Variants in TRIM5 observed in about 807,000 individuals in gnomAD.
TRIM5 encodes the protein tripartite motif containing 5.
A neutral mutation model predicts 35.6 loss-of-function variants in TRIM5; 31 were observed. That is an observed-to-expected ratio of 0.87 (90% CI 0.65 to 1.18). TRIM5 has a LOEUF of 1.18. Among genes scored for constraint, TRIM5 ranks in the 50% most tolerant of loss-of-function variants. The pLI, the probability that TRIM5 is intolerant of heterozygous loss-of-function variation, is 0.00. For synonymous variants in TRIM5, 243 were observed against 215.6 expected, an observed-to-expected ratio of 1.13 and a Z score of -1.11; for missense variants, 609 against 591.6, an observed-to-expected ratio of 1.03 and a Z score of -0.31.
At chr11:5,683,725 T>C (rs1037634380) in intron 1 of TRIM5, among the ~76,000 whole-genome samples, 1 of 152,006 alleles carries the variant, frequency 6.6e-6, no homozygotes, top group South Asian at 2.1e-4. Context: ...TGGAGAACTT[T>C]TGTGTCTAGC....
the TRIM5 span, among the ~76,000 whole-genome samples, chr11:5,592,949 A>C: frequency 2.1e-4 from 28 of 134,318 alleles, no homozygotes; most frequent in African/African-American, 6.8e-4. Flanking sequence ...AAAAAGAAAA[A>C]AGAAGAAAAA....
At chr11:5,658,018 G>C in the TRIM5 span, among the ~76,000 whole-genome samples, 1 of 152,078 alleles carries the variant, frequency 6.6e-6, no homozygotes, top group Non-Finnish European at 1.5e-5. Context: ...AGAAAGGCAC[G>C]GTCCCTGACA....
chr11:5,603,277 A>G, the TRIM5 span: 2 of 1,613,938 alleles, frequency 1.2e-6, no homozygotes, highest in Non-Finnish European at 1.7e-6. Flanking sequence ...CTTAGAAATC[A>G]GGGTTGGGCA....
chr11:5,643,122 T>TAG, the TRIM5 span: 1 of 1,150,420 alleles, frequency 8.7e-7, no homozygotes, highest in Non-Finnish European at 1.1e-6. Flanking sequence ...TACATATATA[T>TAG]ATATTTTTTT....
In TRIM5 at chr11:5,666,151, C is replaced by T. The variant is rs1300025661; in HGVS notation, c.768-70G>A. On this transcript the variant is annotated intron_variant, in intron 5 of 7. Coordinates refer to ENST00000380034, the MANE Select transcript of TRIM5 (RefSeq NM_033034.3). ...TGTGTCCGTGGAACACCCCTGACTT[C>T]CTATCATTTCAACCCATTGAGGCAC... 5 of 1,327,036 alleles carry T rather than the reference C, an allele frequency of 3.8e-6. No homozygotes were observed. The African/African-American group carries it at 7.5e-5, about 20-fold the overall frequency. The allele number at this position is 1,327,036 out of a possible 1,614,324, so 82.2% of individuals were successfully genotyped here. A position where few individuals can be genotyped will look rare whatever the true frequency, so the allele number is the denominator to read the frequency against.
In TRIM5 at chr11:5,679,778, C is replaced by G; in HGVS notation, c.400G>C (p.Val134Leu). ...TCTCTTACTTGGTACTCCCGGGCAA[C>G]CTCCTCTGTGAGGAACGTGTGGTGA... ...RGHHTFLTEE[V>L]AREYQVKLQA... Residue 134 changes from valine (V) to leucine (L), a missense_variant, in exon 2 of 8, where the codon GTT (valine) becomes CTT (leucine). Transcript: ENST00000380034. 1 of 1,596,478 alleles carries G rather than the reference C, an allele frequency of 6.3e-7. No homozygotes were observed. The highest frequency in any genetic ancestry group is 8.6e-7 in the Non-Finnish European group (1 of 1,168,866).
chr11:5,630,265 G>A, the TRIM5 span, among the ~76,000 whole-genome samples: 1 of 152,144 alleles, frequency 6.6e-6, no homozygotes, highest in Non-Finnish European at 1.5e-5. Flanking sequence ...TTTATAGGAA[G>A]AAAGGACTTA....
the TRIM5 span, chr11:5,608,505 A>C: frequency 6.7e-7 from 1 of 1,495,774 alleles, no homozygotes; most frequent in Non-Finnish European, 9.1e-7. Flanking sequence ...TCAAGAGAGT[A>C]GTCTTGAATC....
chr11:5,589,402 C>G, the TRIM5 span: 160 of 152,152 alleles, frequency 1.1e-3, no homozygotes, highest in African/African-American at 3.5e-3. Flanking sequence ...TTAATTGTCT[C>G]AAATAGACAT....
At chr11:5,669,128 G>T (rs1266485704) in intron 4 of TRIM5, among the ~76,000 whole-genome samples, 5 of 145,154 alleles carry the variant, frequency 3.4e-5, no homozygotes, top group Non-Finnish European at 7.4e-5. Flanking sequence ...TTCCCAGGCT[G>T]CAGTGCAACG....
chr11:5,666,168 T>C (rs564458773), intron 5 of TRIM5, 87 bp from the exon 6 acceptor site: 41 of 1,109,124 alleles, frequency 3.7e-5, no homozygotes, highest in South Asian at 2.4e-4. Context: ...TTTCAACCCA[T>C]TGAGGCACTT....
At chr11:5,660,838 C>A (rs1053181171), downstream of TRIM5, among the ~76,000 whole-genome samples, 2 of 151,566 alleles carry the variant, frequency 1.3e-5, no homozygotes, top group East Asian at 2.0e-4. Context: ...GTCAGGAGAT[C>A]GGGACCATCC....
the TRIM5 span, among the ~76,000 whole-genome samples, chr11:5,606,014 T>C: frequency 1.3e-5 from 2 of 152,162 alleles, no homozygotes; most frequent in Admixed American, 1.3e-4. Context: ...CTTCAGACAT[T>C]GCCACGATAG....
the TRIM5 span, among the ~76,000 whole-genome samples, chr11:5,649,447 G>T: frequency 6.6e-6 from 1 of 152,122 alleles, no homozygotes; most frequent in East Asian, 1.9e-4. Context: ...AATATTAAGA[G>T]ATACCCTAAG....
the TRIM5 span, among the ~76,000 whole-genome samples, chr11:5,616,197 C>T: frequency 2.8e-5 from 3 of 106,350 alleles, no homozygotes; most frequent in Non-Finnish European, 2.1e-5. Context: ...GTGATCCACC[C>T]GCCTCGGCCT....
chr11:5,611,109 T>C, the TRIM5 span: 1 of 1,614,206 alleles, frequency 6.2e-7, no homozygotes, highest in Non-Finnish European at 8.5e-7. Flanking sequence ...TAACCATGAA[T>C]ATAGGGCCTA....
chr11:5,648,322 C>T, the TRIM5 span, among the ~76,000 whole-genome samples: 6 of 151,822 alleles, frequency 4.0e-5, no homozygotes, highest in East Asian at 3.9e-4. Context: ...CTGGCTAACA[C>T]GGAGAAACCC....
chr11:5,656,355 C>CTT, the TRIM5 span, among the ~76,000 whole-genome samples: 1,085 of 142,870 alleles, frequency 7.6e-3, 15 homozygotes, highest in African/African-American at 0.022. Flanking sequence ...TGAACAGACA[C>CTT]TTTTTTTTTT....
At chr11:5,612,764 A>G in the TRIM5 span, 2 of 152,200 alleles carry the variant, frequency 1.3e-5, no homozygotes, top group African/African-American at 2.4e-5. Flanking sequence ...GGAGCCACCA[A>G]TGTCTGTTGA....
Sources: allele counts gnomAD v4.1 joint callset (sites outside exome capture counted in the v4.1 genomes callset), GRCh38; gene constraint gnomAD v4.1.1; transcripts MANE v1.5; gene names NCBI Gene and HGNC (gene_info 2026-07-23, HGNC 2026-07-21).